GALNT13: variants seen among roughly 807,000 people sequenced by gnomAD.
The protein encoded by GALNT13 is polypeptide N-acetylgalactosaminyltransferase 13.
A neutral mutation model predicts 64.2 loss-of-function variants in GALNT13; 28 were observed. That is an observed-to-expected ratio of 0.44 (90% CI 0.32 to 0.60). The LOEUF is 0.60. GALNT13 is among the 20% of genes least tolerant of loss of function. The pLI is 0.05. For missense variants in GALNT13, 577 were observed against 669.8 expected (o/e 0.86, Z 1.53); for synonymous variants, 214 against 224.6 (o/e 0.95, Z 0.42).
At chr2:153,994,169 G>C (rs183199240) in intron 3 of GALNT13, among the ~76,000 whole-genome samples, 6 of 152,020 alleles carry the variant, frequency 3.9e-5, no homozygotes, top group Admixed American at 2.6e-4. Context: ...TGCAGTGTTT[G>C]GTTTTTTTGT....
chr2:154,285,780 C>G (rs551146140), intron 8 of GALNT13, among the ~76,000 whole-genome samples: 1 of 152,160 alleles, frequency 6.6e-6, no homozygotes, highest in South Asian at 2.1e-4. Flanking sequence ...ATAGGTTTTG[C>G]ATGGAATCTG....
intron 4 of GALNT13, among the ~76,000 whole-genome samples, chr2:154,180,924 G>A (rs886490901): frequency 3.4e-4 from 51 of 152,000 alleles, no homozygotes; most frequent in African/African-American, 9.9e-4. Context: ...CATGTGCAAG[G>A]ATATTTAAAA....
intron 3 of GALNT13, among the ~76,000 whole-genome samples, chr2:154,075,519 C>A (rs558435028): frequency 6.6e-6 from 1 of 151,796 alleles, no homozygotes; most frequent in Admixed American, 6.6e-5. Flanking sequence ...TATGGCTATA[C>A]CATAAGTTAT....
chr2:153,502,421 T>A, the GALNT13 span, among the ~76,000 whole-genome samples: 6 of 152,374 alleles, frequency 3.9e-5, no homozygotes, highest in South Asian at 1.2e-3. Context: ...CATTGTTTTG[T>A]TCCTTTTTAT....
chr2:154,358,486 G>A (rs749358602), intron 9 of GALNT13, among the ~76,000 whole-genome samples: 21 of 151,888 alleles, frequency 1.4e-4, no homozygotes, highest in South Asian at 2.1e-4. Flanking sequence ...TTACAATTCC[G>A]TATATATTAA....
At chr2:154,008,273 T>C (rs981558418) in intron 3 of GALNT13, among the ~76,000 whole-genome samples, 3 of 152,176 alleles carry the variant, frequency 2.0e-5, no homozygotes, top group African/African-American at 7.2e-5. Context: ...TTCTTATTAT[T>C]TCGATTCATA....
At chr2:153,356,263 G>T in the GALNT13 span, among the ~76,000 whole-genome samples, 5 of 152,174 alleles carry the variant, frequency 3.3e-5, no homozygotes, top group Non-Finnish European at 4.4e-5. Context: ...AATTTCCATT[G>T]ATATGTAGTA....
At chr2:153,335,694 A>G in the GALNT13 span, among the ~76,000 whole-genome samples, 1 of 152,248 alleles carries the variant, frequency 6.6e-6, no homozygotes, top group African/African-American at 2.4e-5. Context: ...TATGCAATAG[A>G]GAAGAAAATC....
At chr2:153,254,774 T>C in the GALNT13 span, among the ~76,000 whole-genome samples, 2 of 152,236 alleles carry the variant, frequency 1.3e-5, no homozygotes, top group Non-Finnish European at 2.9e-5. Context: ...TGTAGTTGAG[T>C]GGTTTTGAGT....
chr2:153,687,942 A>G, the GALNT13 span, among the ~76,000 whole-genome samples: 2 of 152,018 alleles, frequency 1.3e-5, no homozygotes, highest in Non-Finnish European at 2.9e-5. Flanking sequence ...AATATTCAAT[A>G]TTTCATATTT....
At chr2:153,633,408 C>T in the GALNT13 span, among the ~76,000 whole-genome samples, 1 of 152,040 alleles carries the variant, frequency 6.6e-6, no homozygotes, top group Non-Finnish European at 1.5e-5. Flanking sequence ...CAGTTTACTC[C>T]CTTTCACCAT....
chr2:153,226,502 G>A, the GALNT13 span, among the ~76,000 whole-genome samples: 2 of 152,168 alleles, frequency 1.3e-5, no homozygotes, highest in African/African-American at 2.4e-5. Context: ...AATGATGACA[G>A]TATGCCTTCT....
chr2:154,368,174 C>A (rs532121064), intron 9 of GALNT13, among the ~76,000 whole-genome samples: 14 of 151,856 alleles, frequency 9.2e-5, no homozygotes, highest in South Asian at 8.3e-4. Context: ...AAAAAAAATT[C>A]TCTGGCTCTG....
At chr2:154,409,881 G>A (rs1244589953) in intron 11 of GALNT13, among the ~76,000 whole-genome samples, 2 of 151,920 alleles carry the variant, frequency 1.3e-5, no homozygotes, top group Admixed American at 1.3e-4. Flanking sequence ...TTATATTTGT[G>A]TCAAGATTTA....
At chr2:153,650,268 C>G in the GALNT13 span, among the ~76,000 whole-genome samples, 10 of 152,170 alleles carry the variant, frequency 6.6e-5, no homozygotes, top group East Asian at 1.4e-3. Context: ...TCTGTTTTAT[C>G]AGAGACTAGG....
chr2:153,568,780 C>T, the GALNT13 span, among the ~76,000 whole-genome samples: 3 of 152,154 alleles, frequency 2.0e-5, no homozygotes, highest in African/African-American at 7.2e-5. Context: ...CACATACATA[C>T]CTCCCGAAAG....
intron 1 of GALNT13, among the ~76,000 whole-genome samples, chr2:153,874,291 T>TA (rs992016952): frequency 6.6e-6 from 1 of 151,874 alleles, no homozygotes; most frequent in African/African-American, 2.4e-5. Flanking sequence ...ATCTCTCCTT[T>TA]AGCCCCTATC....
At chr2:153,092,062 G>T in the GALNT13 span, among the ~76,000 whole-genome samples, 5 of 152,118 alleles carry the variant, frequency 3.3e-5, no homozygotes, top group East Asian at 5.8e-4. Flanking sequence ...TCTGCATATG[G>T]GTATCTAGTT....
the GALNT13 span, chr2:153,423,444 C>T: frequency 2.0e-5 from 3 of 151,816 alleles, no homozygotes; most frequent in Non-Finnish European, 3.0e-5. Flanking sequence ...GCCTTTAAAT[C>T]GAGAACAAGG....
Sources: gnomAD v4.1 joint callset for allele counts (sites outside exome capture counted in the v4.1 genomes callset) on GRCh38, gnomAD v4.1.1 for gene constraint, MANE v1.5 for transcripts, NCBI Gene and HGNC (gene_info 2026-07-23, HGNC 2026-07-21) for gene names.